Variants in OSBPL1A observed in about 807,000 individuals in gnomAD.
OSBPL1A encodes oxysterol-binding protein-related protein 1.
In OSBPL1A, 80 loss-of-function variants were observed where a neutral mutation model predicts 137.1. The ratio of observed to expected loss-of-function variants is 0.58; its 90% CI spans 0.49 to 0.70. The LOEUF (loss-of-function observed/expected upper bound fraction) is 0.70. Ranked by LOEUF, OSBPL1A falls within the 30% of genes least tolerant of loss-of-function variation. OSBPL1A has a pLI of 0.00. For synonymous variants in OSBPL1A, 365 were observed against 389.7 expected (o/e 0.94, Z 0.75); for missense variants, 970 against 1,129.4 (o/e 0.86, Z 2.02).
Position 24,312,006 on chromosome 18 carries a change from G to T in OSBPL1A, c.1070C>A (p.Ala357Glu). 1.2e-6 allele frequency: 2 copies of T among 1,614,078 alleles called. No homozygotes were observed. The highest frequency in any genetic ancestry group is 1.7e-6 in the Non-Finnish European group (2 of 1,179,950). ...TACCTCTAATGATTTCTTCAGGTCT[G>T]CAGCAGAAACCGTATCTTCCTCCTC... ...DEEEEDTVSA[A>E]DLKKSLEKAQ... The change falls in exon 13 of 28, where the codon GCA (alanine) becomes GAA (glutamate). Residue 357 changes from alanine to glutamate, a missense_variant. Physicochemically the swap from Ala to Glu is moderately radical, Grantham distance 107. Transcript: ENST00000319481.
intron 18 of OSBPL1A, among the ~76,000 whole-genome samples, chr18:24,184,019 A>G (rs2086678415): frequency 6.6e-6 from 1 of 152,234 alleles, no homozygotes; most frequent in Non-Finnish European, 1.5e-5. Context: ...AATAGTATCT[A>G]TCATAAAGCA....
At chr18:24,181,393 G>A in intron 18 of OSBPL1A, 114 bp from the exon 19 acceptor site, 1 of 1,156,278 alleles carries the variant, frequency 8.6e-7, no homozygotes, top group Middle Eastern at 2.8e-4. Context: ...AGCAACCCAT[G>A]AAATTTCATC....
chr18:24,382,750 C>T (rs1906688491), intron 1 of OSBPL1A, among the ~76,000 whole-genome samples: 1 of 151,930 alleles, frequency 6.6e-6, no homozygotes, highest in Admixed American at 6.6e-5. Flanking sequence ...GTGGTGCGCG[C>T]CTGTAGTCTC....
intron 18 of OSBPL1A, among the ~76,000 whole-genome samples, chr18:24,189,456 A>G (rs900964737): frequency 6.6e-6 from 1 of 151,998 alleles, no homozygotes; most frequent in African/African-American, 2.4e-5. Context: ...GGCTCGCTCC[A>G]CTGACAGCCG....
chr18:24,227,749 G>C (rs1289852440), intron 16 of OSBPL1A, among the ~76,000 whole-genome samples: 1 of 152,014 alleles, frequency 6.6e-6, no homozygotes, highest in Non-Finnish European at 1.5e-5. Flanking sequence ...CTTGGGGTGG[G>C]GGTGGTTCCA....
At chr18:24,346,908 A>ATT (rs111588736) in intron 4 of OSBPL1A, among the ~76,000 whole-genome samples, 8,199 of 140,468 alleles carry the variant, frequency 0.058, 404 homozygotes, top group African/African-American at 0.14. Context: ...GTGCCTAGCT[A>ATT]TTTTTTTTTT....
chr18:24,179,323 G>A (rs1373219541), intron 20 of OSBPL1A: 1 of 164,106 alleles, frequency 6.1e-6, no homozygotes, highest in African/African-American at 2.4e-5. Flanking sequence ...TTATTTTTAG[G>A]AGATATACCT....
chr18:24,235,250 C>T (rs751972045), intron 16 of OSBPL1A, among the ~76,000 whole-genome samples: 4 of 152,150 alleles, frequency 2.6e-5, no homozygotes, highest in Non-Finnish European at 5.9e-5. Flanking sequence ...AGGTGCAGTG[C>T]GGGTCACCAT....
At chr18:24,335,307 A>G (rs989674314) in intron 5 of OSBPL1A, among the ~76,000 whole-genome samples, 10 of 152,154 alleles carry the variant, frequency 6.6e-5, no homozygotes, top group African/African-American at 2.2e-4. Context: ...TTGTTATTAT[A>G]TTGATTTTTA....
chr18:24,177,078 A>C (rs1020569699), intron 21 of OSBPL1A, among the ~76,000 whole-genome samples: 14 of 152,166 alleles, frequency 9.2e-5, no homozygotes, highest in Non-Finnish European at 2.1e-4. Context: ...GAATTCTCTC[A>C]CACTCTTTGA....
intron 17 of OSBPL1A, among the ~76,000 whole-genome samples, chr18:24,220,190 C>T (rs1023743754): frequency 1.3e-5 from 2 of 152,236 alleles, no homozygotes; most frequent in Non-Finnish European, 2.9e-5. Context: ...GCCAACAGTC[C>T]GCCTACACCA....
intron 15 of OSBPL1A, among the ~76,000 whole-genome samples, chr18:24,244,453 G>A (rs532103597): frequency 6.6e-6 from 1 of 152,284 alleles, no homozygotes; most frequent in Middle Eastern, 3.4e-3. Flanking sequence ...ATTCGCATAT[G>A]GAATATACAC....
At chr18:24,301,572 C>G (rs2090401228) in intron 14 of OSBPL1A, among the ~76,000 whole-genome samples, 4 of 152,168 alleles carry the variant, frequency 2.6e-5, no homozygotes, top group Admixed American at 2.6e-4. Context: ...TTGCATAACT[C>G]TGTGAATAGA....
chr18:24,248,683 A>G (rs1334777378), intron 15 of OSBPL1A, among the ~76,000 whole-genome samples: 2 of 152,242 alleles, frequency 1.3e-5, no homozygotes, highest in Non-Finnish European at 2.9e-5. Flanking sequence ...AGACATTTAA[A>G]TCAGGGTAGA....
intron 20 of OSBPL1A, 102 bp from the exon 21 acceptor site, chr18:24,178,297 TTTG>T (rs1334814223): frequency 4.8e-5 from 55 of 1,149,168 alleles, no homozygotes; most frequent in South Asian, 2.5e-4. Context: ...AAACAATTCT[TTTG>T]TTGTTGTTGT....
At chr18:24,264,113 C>T (rs1311869150) in intron 15 of OSBPL1A, among the ~76,000 whole-genome samples, 1 of 152,228 alleles carries the variant, frequency 6.6e-6, no homozygotes, top group African/African-American at 2.4e-5. Flanking sequence ...ATACAGTTCC[C>T]AATAGGGATT....
intron 14 of OSBPL1A, among the ~76,000 whole-genome samples, chr18:24,281,212 A>G (rs967644652): frequency 6.6e-6 from 1 of 151,840 alleles, no homozygotes; most frequent in African/African-American, 2.4e-5. Context: ...CAGCCTCCCA[A>G]GTAGCTGGGA....
At position 24,366,922 on chromosome 18, in the gene OSBPL1A, C is replaced by T. The variant is rs2091710371; in HGVS notation, c.252G>A (p.Pro84=). The part of the protein sequence containing the change: ...VNVLNDMGDT[P]LHRAAFTGRK... ...GTCCTGTAAAGGCAGCTCGATGAAG[C>T]GGCGTGTCTCCCATGTCATTCAACA... Residue 84 remains proline, a synonymous_variant, in exon 4 of 28, where the codon CCG becomes CCA. Transcript: ENST00000319481. The T allele has an allele frequency of 1.1e-5, 17 of 1,611,256 alleles. No homozygotes were observed. The highest frequency in any genetic ancestry group is 2.2e-5 in the East Asian group (1 of 44,752).
intron 15 of OSBPL1A, among the ~76,000 whole-genome samples, chr18:24,270,262 T>C (rs1465566853): frequency 6.6e-6 from 1 of 152,260 alleles, no homozygotes; most frequent in Non-Finnish European, 1.5e-5. Context: ...GATTATGATG[T>C]TGCATAATTA....
Sources: allele counts gnomAD v4.1 joint callset (sites outside exome capture counted in the v4.1 genomes callset), GRCh38; gene constraint gnomAD v4.1.1; transcripts MANE v1.5; gene names NCBI Gene and HGNC (gene_info 2026-07-23, HGNC 2026-07-21).